The following SUGCT variants were observed in gnomAD, a reference collection of about 807,000 sequenced individuals.
The protein encoded by SUGCT is succinyl-CoA:glutarate-CoA transferase, also known as succinyl-CoA:glutarate CoA-transferase.
SUGCT carries 41 observed loss-of-function variants against 55.0 expected under a neutral mutation model. The ratio of observed to expected loss-of-function variants is 0.74; its 90% CI spans 0.58 to 0.97. SUGCT has a LOEUF of 0.97. SUGCT is among the 50% of genes least tolerant of loss of function. The pLI is 0.00. For missense variants in SUGCT, 568 were observed against 547.8 expected, an observed-to-expected ratio of 1.04 and a Z score of -0.37; for synonymous variants, 187 against 200.4, an observed-to-expected ratio of 0.93 and a Z score of 0.56.
chr7:40,713,892 C>G (rs1449377271), intron 12 of SUGCT, among the ~76,000 whole-genome samples: 1 of 152,236 alleles, frequency 6.6e-6, no homozygotes, highest in Non-Finnish European at 1.5e-5. Context: ...GGAAAAGAGG[C>G]ATTTTAACCA....
chr7:40,879,984 A>T, the SUGCT span, among the ~76,000 whole-genome samples: 2 of 152,230 alleles, frequency 1.3e-5, no homozygotes, highest in Non-Finnish European at 2.9e-5. Flanking sequence ...ATGGGACAGG[A>T]ACATACTCTG....
At chr7:40,934,205 G>T in the SUGCT span, among the ~76,000 whole-genome samples, 2 of 152,306 alleles carry the variant, frequency 1.3e-5, no homozygotes, top group African/African-American at 2.4e-5. Context: ...CTCAGCTGCA[G>T]ATCTGTTGGA....
intron 12 of SUGCT, among the ~76,000 whole-genome samples, chr7:40,734,025 G>A (rs1185118958): frequency 1.3e-5 from 2 of 152,200 alleles, no homozygotes; most frequent in Non-Finnish European, 2.9e-5. Context: ...CTAAGGGAAA[G>A]CTTTGCTACA....
chr7:40,855,246 T>C (rs1794111470), intron 13 of SUGCT, among the ~76,000 whole-genome samples: 1 of 151,524 alleles, frequency 6.6e-6, no homozygotes, highest in African/African-American at 2.4e-5. Context: ...ATTCCTCATA[T>C]TCTTTGTTGA....
At chr7:40,572,877 T>TACACG (rs1796529371) in intron 12 of SUGCT, among the ~76,000 whole-genome samples, 1 of 152,066 alleles carries the variant, frequency 6.6e-6, no homozygotes, top group South Asian at 2.1e-4. Context: ...GCATCAAACT[T>TACACG]CTGTGAAAGA....
intron 13 of SUGCT, among the ~76,000 whole-genome samples, chr7:40,772,578 GCTATCTATCTAT>G (rs70990645): frequency 0.022 from 2,240 of 103,978 alleles, 56 homozygotes; most frequent in South Asian, 0.055. Flanking sequence ...TTATCTATCT[GCTATCTATCTAT>G]CTATCTATCT....
intron 3 of SUGCT, among the ~76,000 whole-genome samples, chr7:40,184,230 G>T (rs1013047566): frequency 1.3e-5 from 2 of 152,046 alleles, no homozygotes; most frequent in African/African-American, 4.8e-5. Context: ...CACTTAAAGG[G>T]CACAGTCCAT....
At chr7:40,996,430 G>A in the SUGCT span, among the ~76,000 whole-genome samples, 1 of 152,180 alleles carries the variant, frequency 6.6e-6, no homozygotes, top group Non-Finnish European at 1.5e-5. Context: ...ACCTTTAGAA[G>A]GCAGTGGTTT....
At chr7:40,138,351 A>G (rs951144829) in intron 1 of SUGCT, among the ~76,000 whole-genome samples, 1 of 152,152 alleles carries the variant, frequency 6.6e-6, no homozygotes, top group Non-Finnish European at 1.5e-5. Context: ...GCTGAATAGT[A>G]TTCCATTTTG....
intron 6 of SUGCT, among the ~76,000 whole-genome samples, chr7:40,235,139 A>G (rs1788941187): frequency 6.6e-6 from 1 of 152,106 alleles, no homozygotes; most frequent in Admixed American, 6.6e-5. Flanking sequence ...CAATAATTAT[A>G]ATCTTGAATT....
chr7:40,677,402 C>T (rs1329362357), intron 12 of SUGCT, among the ~76,000 whole-genome samples: 1 of 152,206 alleles, frequency 6.6e-6, no homozygotes, highest in African/African-American at 2.4e-5. Flanking sequence ...ACTTACCCAA[C>T]AGTGTCATAA....
At chr7:40,758,880 C>T (rs1446741505) in intron 13 of SUGCT, among the ~76,000 whole-genome samples, 1 of 152,090 alleles carries the variant, frequency 6.6e-6, no homozygotes, top group East Asian at 1.9e-4. Context: ...GTCTAATCTG[C>T]TTACAACCCT....
At chr7:40,888,944 C>T in the SUGCT span, among the ~76,000 whole-genome samples, 248 of 152,346 alleles carry the variant, frequency 1.6e-3, 5 homozygotes, top group South Asian at 0.041. Context: ...TGCTCTCCTC[C>T]CTTAGCTGTC....
intron 6 of SUGCT, among the ~76,000 whole-genome samples, chr7:40,229,827 A>G (rs1788616266): frequency 6.6e-6 from 1 of 151,942 alleles, no homozygotes; most frequent in African/African-American, 2.4e-5. Flanking sequence ...AAAAAAAAAA[A>G]AAAAGCATCA....
intron 8 of SUGCT, among the ~76,000 whole-genome samples, chr7:40,277,597 C>G (rs1027343523): frequency 4.6e-5 from 7 of 151,842 alleles, no homozygotes; most frequent in Non-Finnish European, 7.4e-5. Flanking sequence ...CTACAGCTGC[C>G]CCATTCAGAA....
At chr7:40,522,203 C>A (rs904337002) in intron 12 of SUGCT, among the ~76,000 whole-genome samples, 3 of 152,112 alleles carry the variant, frequency 2.0e-5, no homozygotes, top group Non-Finnish European at 4.4e-5. Context: ...GCAGTTCTTT[C>A]ATGTACCAGC....
At chr7:40,716,321 A>C (rs761122351) in intron 12 of SUGCT, among the ~76,000 whole-genome samples, 1 of 152,216 alleles carries the variant, frequency 6.6e-6, no homozygotes, top group Non-Finnish European at 1.5e-5. Context: ...ATCCTATTAC[A>C]TATAATGTGA....
intron 7 of SUGCT, among the ~76,000 whole-genome samples, chr7:40,255,660 C>CAAAAAAA (rs70996898): frequency 2.0e-4 from 11 of 54,208 alleles, no homozygotes; most frequent in African/African-American, 2.5e-4. Flanking sequence ...GACTCTGTAT[C>CAAAAAAA]AAAAAAAAAA....
chr7:40,351,383 A>G (rs1417203131), intron 9 of SUGCT, among the ~76,000 whole-genome samples: 1 of 152,068 alleles, frequency 6.6e-6, no homozygotes, highest in African/African-American at 2.4e-5. Context: ...ATGATTTCAC[A>G]TTAAATTATT....
Sources: gnomAD v4.1 joint callset for allele counts (sites outside exome capture counted in the v4.1 genomes callset) on GRCh38, gnomAD v4.1.1 for gene constraint, MANE v1.5 for transcripts, NCBI Gene and HGNC (gene_info 2026-07-23, HGNC 2026-07-21) for gene names.